Variants in RABGAP1L observed in about 807,000 individuals in gnomAD.
RABGAP1L encodes rab GTPase-activating protein 1-like.
A neutral mutation model predicts 137.7 loss-of-function variants in RABGAP1L; 63 were observed. The ratio of observed to expected loss-of-function variants is 0.46; its 90% confidence interval spans 0.37 to 0.56. RABGAP1L has a LOEUF of 0.56. Among genes scored for constraint, RABGAP1L ranks in the 20% least tolerant of loss-of-function variants. The pLI is 0.00. For synonymous variants in RABGAP1L, 431 were observed against 433.7 expected, an observed-to-expected ratio of 0.99 and a Z score of 0.08; for missense variants, 1,095 against 1,244.0, an observed-to-expected ratio of 0.88 and a Z score of 1.80.
At chr1:174,353,702 G>A (rs1199641585) in intron 11 of RABGAP1L, among the ~76,000 whole-genome samples, 1 of 152,118 alleles carries the variant, frequency 6.6e-6, no homozygotes, top group African/African-American at 2.4e-5. Flanking sequence ...GGGCAGCAGT[G>A]AGTTCCAATG....
At chr1:174,806,947 G>A (rs896353242) in intron 18 of RABGAP1L, among the ~76,000 whole-genome samples, 10 of 151,978 alleles carry the variant, frequency 6.6e-5, no homozygotes, top group African/African-American at 2.2e-4. Context: ...CACTACGCCC[G>A]GCTAATTTTT....
At chr1:174,516,270 C>T (rs1343467470) in intron 13 of RABGAP1L, among the ~76,000 whole-genome samples, 1 of 152,132 alleles carries the variant, frequency 6.6e-6, no homozygotes, top group African/African-American at 2.4e-5. Context: ...ATCCTCCTCC[C>T]TCAGCTTCCT....
At chr1:174,368,657 AT>A (rs542419673) in intron 11 of RABGAP1L, among the ~76,000 whole-genome samples, 59 of 152,116 alleles carry the variant, frequency 3.9e-4, no homozygotes, top group Middle Eastern at 3.4e-3. Flanking sequence ...TATTCTATTG[AT>A]TAGTAAGATT....
intron 12 of RABGAP1L, among the ~76,000 whole-genome samples, chr1:174,372,669 C>T (rs937404345): frequency 5.3e-5 from 8 of 152,108 alleles, no homozygotes; most frequent in South Asian, 2.1e-4. Flanking sequence ...ATAACAGTCA[C>T]GTCTCTCTCA....
At chr1:174,772,226 ATAAC>A (rs1301332298) in intron 18 of RABGAP1L, among the ~76,000 whole-genome samples, 2 of 151,942 alleles carry the variant, frequency 1.3e-5, no homozygotes, top group Non-Finnish European at 2.9e-5. Context: ...ACAAAAAAAA[ATAAC>A]TAATCTTCAC....
chr1:174,280,534 C>G (rs933629743), intron 10 of RABGAP1L, among the ~76,000 whole-genome samples: 4 of 152,148 alleles, frequency 2.6e-5, no homozygotes, highest in African/African-American at 9.7e-5. Flanking sequence ...ATGCCCTGTT[C>G]CCAAACTATT....
chr1:174,721,944 T>G (rs1188654668), intron 17 of RABGAP1L, among the ~76,000 whole-genome samples: 2 of 152,196 alleles, frequency 1.3e-5, no homozygotes, highest in Non-Finnish European at 2.9e-5. Context: ...ATTTTTTTGT[T>G]GTTGTTGAGA....
chr1:174,183,769 C>T (rs1043930226), intron 1 of RABGAP1L, among the ~76,000 whole-genome samples: 1 of 152,092 alleles, frequency 6.6e-6, no homozygotes, highest in Non-Finnish European at 1.5e-5. Flanking sequence ...CAGCCTATTC[C>T]TCCCTCCCTG....
At chr1:174,196,471 G>A (rs142938273) in intron 1 of RABGAP1L, among the ~76,000 whole-genome samples, 11,011 of 151,854 alleles carry the variant, frequency 0.073, 602 homozygotes, top group East Asian at 0.32. Context: ...TGATCCACCC[G>A]CCTCGGCCTC....
chr1:174,585,983 A>T (rs1342133692), intron 13 of RABGAP1L, among the ~76,000 whole-genome samples: 2 of 152,218 alleles, frequency 1.3e-5, no homozygotes, highest in Non-Finnish European at 2.9e-5. Context: ...TTGAAGATTT[A>T]GAAATGGAAA....
intron 13 of RABGAP1L, among the ~76,000 whole-genome samples, chr1:174,437,913 T>G (rs1253665419): frequency 2.0e-5 from 3 of 152,148 alleles, no homozygotes; most frequent in Non-Finnish European, 4.4e-5. Flanking sequence ...GGGGCCAATA[T>G]TCAACATTCT....
chr1:174,770,503 G>A lies in RABGAP1L; in HGVS notation c.2211+18149G>A, dbSNP rs1024908736. On this transcript the variant is annotated intron_variant, in intron 18 of 25. Transcript: ENST00000681986. ...ATGAAACAATCCAAAATATCAAGAA[G>A]GGAAGACAGTTGAATAAACACACCA... Among the ~76,000 whole-genome samples the A allele has an allele frequency of 2.0e-5, 3 of 152,176 alleles. No individual in the cohort carries two copies. The South Asian group carries it at 6.2e-4, about 32-fold the overall frequency.
chr1:174,546,881 T>G lies in RABGAP1L; in HGVS notation c.1711-90494T>G, dbSNP rs551702267. Among the ~76,000 whole-genome samples, 21 of 151,054 alleles carry G rather than the reference T, an allele frequency of 1.4e-4. No homozygotes were observed. The South Asian group carries it at 2.3e-3, about 17-fold the overall frequency. On this transcript the variant is annotated intron_variant, in intron 13 of 25. Transcript: ENST00000681986. ...CCGTCTCTACTGAAAATACAAAAAA[T>G]TAGCCGGGCGTGGTGGCGGGCACCT...
At chr1:174,331,451 T>C (rs1681022623) in intron 11 of RABGAP1L, among the ~76,000 whole-genome samples, 1 of 152,046 alleles carries the variant, frequency 6.6e-6, no homozygotes, top group South Asian at 2.1e-4. Context: ...AAACCCCAAA[T>C]AGTCTGATTT....
chr1:174,943,340 G>A (rs951911273), intron 19 of RABGAP1L, among the ~76,000 whole-genome samples: 4 of 152,138 alleles, frequency 2.6e-5, no homozygotes, highest in Non-Finnish European at 5.9e-5. Flanking sequence ...TGTGCTCATT[G>A]TTCCCTGTGC....
At chr1:174,506,686 A>G (rs1308619021) in intron 13 of RABGAP1L, among the ~76,000 whole-genome samples, 1 of 152,218 alleles carries the variant, frequency 6.6e-6, no homozygotes, top group African/African-American at 2.4e-5. Flanking sequence ...GTATGCATAT[A>G]TCAAAACATC....
chr1:174,539,174 A>T (rs1365932275), intron 13 of RABGAP1L, among the ~76,000 whole-genome samples: 1 of 152,144 alleles, frequency 6.6e-6, no homozygotes, highest in Non-Finnish European at 1.5e-5. Context: ...TTATATTTTC[A>T]TAGATAAATC....
At chr1:174,512,446 C>G (rs528486447) in intron 13 of RABGAP1L, among the ~76,000 whole-genome samples, 1 of 152,190 alleles carries the variant, frequency 6.6e-6, no homozygotes, top group South Asian at 2.1e-4. Context: ...TGTTTTACTT[C>G]AAAATAGGAA....
At chr1:174,878,310 G>A (rs1039692304) in intron 19 of RABGAP1L, among the ~76,000 whole-genome samples, 8 of 152,046 alleles carry the variant, frequency 5.3e-5, no homozygotes, top group Admixed American at 2.0e-4. Context: ...CACCGCAGCC[G>A]TTGCCTCCTG....
Sources: allele counts gnomAD v4.1 joint callset (sites outside exome capture counted in the v4.1 genomes callset), GRCh38; gene constraint gnomAD v4.1.1; transcripts MANE v1.5; gene names NCBI Gene and HGNC (gene_info 2026-07-23, HGNC 2026-07-21).